Variants in CCDC90B observed in about 807,000 individuals in gnomAD.
CCDC90B encodes the protein coiled-coil domain-containing protein 90B, mitochondrial.
A neutral mutation model predicts 37.0 loss-of-function variants in CCDC90B; 24 were observed. That is an observed-to-expected ratio of 0.65 (90% CI 0.47 to 0.91). The LOEUF (loss-of-function observed/expected upper bound fraction) is 0.91, where lower values mean the gene tolerates loss of function less well. CCDC90B is among the 40% of genes least tolerant of loss of function. The pLI, the probability that CCDC90B is intolerant of heterozygous loss-of-function variation, is 0.00. For missense variants in CCDC90B, 319 were observed against 299.0 expected, an observed-to-expected ratio of 1.07 and a Z score of -0.49; for synonymous variants, 113 against 101.1, an observed-to-expected ratio of 1.12 and a Z score of -0.71.
intron 3 of CCDC90B, among the ~76,000 whole-genome samples, chr11:83,277,710 A>G: frequency 6.6e-6 from 1 of 151,412 alleles, no homozygotes; most frequent in South Asian, 2.1e-4. Context: ...TGGCCAGGCT[A>G]GTCTTGAACT....
At chr11:83,272,153 G>A (rs1864715744) in intron 7 of CCDC90B, among the ~76,000 whole-genome samples, 1 of 152,166 alleles carries the variant, frequency 6.6e-6, no homozygotes, top group Non-Finnish European at 1.5e-5. Context: ...AAGGTAAAAT[G>A]ATGAGTTGAT....
chr11:83,275,082 T>C (rs955338541), intron 3 of CCDC90B, among the ~76,000 whole-genome samples: 3 of 152,216 alleles, frequency 2.0e-5, no homozygotes, highest in Non-Finnish European at 4.4e-5. Flanking sequence ...TATCTCTTAT[T>C]ACTTTGATTT....
At chr11:83,283,777 C>G (rs1003316132) in intron 1 of CCDC90B, among the ~76,000 whole-genome samples, 1 of 152,000 alleles carries the variant, frequency 6.6e-6, no homozygotes, top group Non-Finnish European at 1.5e-5. Context: ...GCCTGGGCAA[C>G]GTGGGAAGAT....
chr11:83,267,635 T>G (rs1323586224), intron 7 of CCDC90B, among the ~76,000 whole-genome samples: 3 of 152,172 alleles, frequency 2.0e-5, no homozygotes, highest in Non-Finnish European at 2.9e-5. Context: ...AAATCTACGT[T>G]TGATTGGTGT....
chr11:83,275,302 T>C (rs560194217), intron 3 of CCDC90B, among the ~76,000 whole-genome samples: 10 of 152,310 alleles, frequency 6.6e-5, no homozygotes, highest in Non-Finnish European at 1.5e-4. Context: ...TTATAAGCTT[T>C]TGCCTCGTTA....
intron 4 of CCDC90B, 173 bp downstream of exon 4, chr11:83,274,466 T>G (rs1420178327): frequency 4.5e-6 from 2 of 447,264 alleles, no homozygotes; most frequent in East Asian, 7.6e-5. Flanking sequence ...GCACTATGAT[T>G]TATATAGAAA....
At chr11:83,265,533 A>T (rs1382462135) in intron 8 of CCDC90B, among the ~76,000 whole-genome samples, 3 of 152,150 alleles carry the variant, frequency 2.0e-5, no homozygotes, top group African/African-American at 7.2e-5. Context: ...GTTGCCTGCT[A>T]AACTTAGATT....
chr11:83,286,272 C>T lies in CCDC90B; in HGVS notation c.-300G>A, dbSNP rs1389018083. 7 of 1,361,252 alleles carry T rather than the reference C, an allele frequency of 5.1e-6. No homozygotes were observed. Among genetic ancestry groups the T allele is most frequent in the Non-Finnish European group, 7.0e-6 (7 of 1,002,336 alleles). The allele number at this position is 1,361,252 out of a possible 1,614,324, so 84.3% of individuals were successfully genotyped here. On this transcript the variant is annotated 5_prime_UTR_variant, in exon 1 of 9. Coordinates refer to ENST00000529689, the MANE Select transcript of CCDC90B (RefSeq NM_021825.5). ...ATCTTGTCAGAGAACCTTCCGGCGC[C>T]TGTTTCCTGGCAGTGGGGCATAGTC...
Position 83,280,235 on chromosome 11 carries a change from C to G in CCDC90B, c.126G>C (p.Glu42Asp). The G allele has an allele frequency of 6.2e-7, 1 of 1,613,180 alleles. No homozygotes were observed. Reference protein sequence around the residue: ...RREFFTTTTKEGYDRRPVDIT... With the variant: ...RREFFTTTTKDGYDRRPVDIT... ...TATCCACTGGCCGCCTATCATATCCCTCCTTGGTTGTGGTAGTGAAGAACT... is the reference window on the plus strand; with the variant it reads ...TATCCACTGGCCGCCTATCATATCCGTCCTTGGTTGTGGTAGTGAAGAACT... The change falls in exon 2 of 9, where the codon GAG becomes GAC. Residue 42 changes from glutamate to aspartate, a missense_variant. Glu to Asp is a conservative substitution (Grantham distance 45). Coordinates refer to ENST00000529689, the MANE Select transcript of CCDC90B (RefSeq NM_021825.5).
intron 7 of CCDC90B, among the ~76,000 whole-genome samples, chr11:83,268,606 A>C (rs1864444758): frequency 1.3e-5 from 2 of 152,238 alleles, no homozygotes; most frequent in Non-Finnish European, 2.9e-5. Flanking sequence ...AAATTCATAA[A>C]GCAAGTCCTT....
chr11:83,275,609 TA>T (rs1375320518), intron 3 of CCDC90B, among the ~76,000 whole-genome samples: 2 of 152,238 alleles, frequency 1.3e-5, no homozygotes, highest in Non-Finnish European at 2.9e-5. Context: ...CTAAACTTCT[TA>T]AAATCAGGTA....
chr11:83,273,266 TTG>T (rs201178195), intron 7 of CCDC90B: 3,986 of 134,368 alleles, frequency 0.03, 168 homozygotes, highest in South Asian at 0.074. Context: ...TTTTTTTTTT[TTG>T]TTTTTGAGAC....
At chr11:83,280,385 C>T in intron 1 of CCDC90B, 125 bp from the exon 2 acceptor site, 2 of 818,396 alleles carry the variant, frequency 2.4e-6, no homozygotes, top group Non-Finnish European at 3.8e-6. Flanking sequence ...TGTCATCTCA[C>T]CCAAGTTAAT....
intron 3 of CCDC90B, 91 bp from the exon 4 acceptor site, chr11:83,274,831 T>C: frequency 2.6e-6 from 2 of 780,390 alleles, no homozygotes; most frequent in Admixed American, 2.5e-5. Context: ...ATGAATTTGT[T>C]AACATGCTAC....
intron 8 of CCDC90B, among the ~76,000 whole-genome samples, chr11:83,263,013 T>TAATA (rs1864020943): frequency 6.6e-6 from 1 of 152,150 alleles, no homozygotes; most frequent in African/African-American, 2.4e-5. Context: ...ACAGATGAGG[T>TAATA]AATACACCCA....
At position 83,278,721 on chromosome 11, in the gene CCDC90B, A is replaced by AGTAATCAG; in HGVS notation, c.324+4_324+5insCTGATTAC. On this transcript the variant is annotated splice_donor_region_variant and intron_variant, in intron 3 of 8. Transcript: ENST00000529689. ...TATCAGAAGTGATAGTAATCAGTGT[A>AGTAATCAG]TTACCTGTTGAGCTTGAGTGACCAT... The AGTAATCAG allele has an allele frequency of 6.4e-7, 1 of 1,565,910 alleles. No individual in the cohort carries two copies. Among genetic ancestry groups the AGTAATCAG allele is most frequent in the South Asian group, 1.1e-5 (1 of 89,758 alleles).
intron 3 of CCDC90B, among the ~76,000 whole-genome samples, chr11:83,275,929 T>C (rs1406891453): frequency 6.6e-6 from 1 of 152,240 alleles, no homozygotes; most frequent in Non-Finnish European, 1.5e-5. Flanking sequence ...ACTTGGCATA[T>C]GGTTAGCACT....
Position 83,286,108 on chromosome 11 carries a change from G to T in CCDC90B, c.-136C>A. The stretch of plus-strand genomic sequence containing the variant: ...CTCTGTCACAAGCTCACCTCCCAGC[G>T]CAGGCGCCACCGTGGTCCCACGAAA... On this transcript the variant is annotated 5_prime_UTR_variant, in exon 1 of 9. Transcript: ENST00000529689. 6.5e-7 allele frequency: 1 copy of T among 1,536,612 alleles called. No homozygotes were observed. The highest frequency in any genetic ancestry group is 8.7e-7 in the Non-Finnish European group (1 of 1,146,924).
rs756987684 is a variant in CCDC90B, at chr11:83,286,204, C to T, written c.-232G>A. 2.6e-6 allele frequency: 4 copies of T among 1,531,276 alleles called. No homozygotes were observed. The African/African-American group carries it at 4.1e-5, about 16-fold the overall frequency. 94.9% of individuals were successfully genotyped at this position (1,531,276 alleles called of 1,614,324 possible). On this transcript the variant is annotated 5_prime_UTR_variant, in exon 1 of 9. Coordinates refer to ENST00000529689, the MANE Select transcript of CCDC90B (RefSeq NM_021825.5). ...GCGCTGCCCCGCTTCTCCCAGCGCC[C>T]CTTCCCGACCTTTGAACGCCTTCAC...
Sources: allele counts gnomAD v4.1 joint callset (sites outside exome capture counted in the v4.1 genomes callset), GRCh38; gene constraint gnomAD v4.1.1; transcripts MANE v1.5; gene names NCBI Gene and HGNC (gene_info 2026-07-23, HGNC 2026-07-21).